Variants in PHF11 observed in about 807,000 individuals in gnomAD.
PHF11 encodes BRCA1 C-terminus-associated protein.
PHF11 carries 38 observed loss-of-function variants against 40.5 expected under a neutral mutation model. The observed-to-expected ratio is 0.94, with a 90% confidence interval of 0.72 to 1.23. PHF11 has a LOEUF of 1.23. Ranked by LOEUF, PHF11 falls within the 50% of genes most tolerant of loss-of-function variation. The probability of loss-of-function intolerance (pLI) is 0.00; values close to 1 mark genes in which losing one functional copy is unlikely to be tolerated. For synonymous variants in PHF11, 127 were observed against 138.2 expected (o/e 0.92, Z 0.57); for missense variants, 369 against 392.4 (o/e 0.94, Z 0.50).
At chr13:49,523,477 A>G (rs1342096785) in intron 7 of PHF11, 1 of 510,096 alleles carries the variant, frequency 2.0e-6, no homozygotes, top group Non-Finnish European at 3.4e-6. Context: ...ACTTCTATTA[A>G]TAAAGACACA....
At chr13:49,509,124 A>G (rs1159055922) in intron 2 of PHF11, among the ~76,000 whole-genome samples, 1 of 152,202 alleles carries the variant, frequency 6.6e-6, no homozygotes, top group East Asian at 1.9e-4. Context: ...AAATTTATGG[A>G]AAAGTTGCAT....
chr13:49,528,775 C>T lies in PHF11; in HGVS notation c.*110C>T. On this transcript the variant is annotated 3_prime_UTR_variant, in exon 10 of 10. Coordinates refer to ENST00000378319, the MANE Select transcript of PHF11 (RefSeq NM_001040443.3). The stretch of plus-strand genomic sequence containing the variant: ...TTAGAACTAGTCGTCTCCTCTTGGC[C>T]TCAGCAGCTCTTCCCTGTTCTTACT... 2.8e-6 allele frequency: 2 copies of T among 704,588 alleles called. No individual in the cohort carries two copies. Among genetic ancestry groups the T allele is most frequent in the South Asian group, 1.9e-5 (1 of 53,958 alleles). 43.6% of individuals were successfully genotyped at this position (704,588 alleles called of 1,614,324 possible).
At chr13:49,528,411 T>C (rs1959401633) in intron 9 of PHF11, 100 bp from the exon 10 acceptor site, 1 of 799,392 alleles carries the variant, frequency 1.3e-6, no homozygotes, top group South Asian at 1.9e-5. Context: ...GCACGAGGAT[T>C]GTGTATCTGT....
intron 1 of PHF11, chr13:49,496,991 G>A: frequency 1.8e-6 from 2 of 1,112,696 alleles, no homozygotes; most frequent in Non-Finnish European, 2.3e-6. Context: ...GTGCCACCAC[G>A]CCCAGCTAAT....
At chr13:49,521,435 A>C in intron 5 of PHF11, 2 of 986,414 alleles carry the variant, frequency 2.0e-6, no homozygotes, top group Non-Finnish European at 2.4e-6. Context: ...TGCAATGTTC[A>C]TTGTGAAGTG....
chr13:49,506,516 G>T, intron 1 of PHF11, 119 bp from the exon 2 acceptor site: 1 of 825,576 alleles, frequency 1.2e-6, no homozygotes, highest in East Asian at 2.5e-5. Flanking sequence ...TTGTCTCTCT[G>T]GGAATTAAGA....
intron 2 of PHF11, among the ~76,000 whole-genome samples, chr13:49,509,377 T>C (rs569928266): frequency 6.6e-5 from 10 of 152,188 alleles, no homozygotes; most frequent in Admixed American, 3.3e-4. Context: ...CACGCCCAGC[T>C]AATTTTTTGT....
At chr13:49,500,036 G>A (rs1409617327) in intron 1 of PHF11, among the ~76,000 whole-genome samples, 1 of 152,174 alleles carries the variant, frequency 6.6e-6, no homozygotes. Flanking sequence ...CCACATTGAA[G>A]AGGGCCTGCA....
At chr13:49,517,013 T>C (rs2139061256) in intron 3 of PHF11, among the ~76,000 whole-genome samples, 1 of 152,342 alleles carries the variant, frequency 6.6e-6, no homozygotes, top group South Asian at 2.1e-4. Context: ...TTAACATTGT[T>C]ATCTGGTTCG....
At position 49,522,102 on chromosome 13, in the gene PHF11, G is replaced by T. The variant is rs753377111; in HGVS notation, c.565G>T (p.Val189Leu). 1 of 1,528,630 alleles carries T rather than the reference G, an allele frequency of 6.5e-7. No individual in the cohort carries two copies. The highest frequency in any genetic ancestry group is 1.7e-5 in the Admixed American group (1 of 58,942). The allele number at this position is 1,528,630 out of a possible 1,614,324, so 94.7% of individuals were successfully genotyped here. Reference protein sequence around the residue: ...GRKKPLSGNHVQPPETMKCNT... With the variant: ...GRKKPLSGNHLQPPETMKCNT... ...GAAGAAACCCCTCTCAGGCAATCAT[G>T]TACAGGTAATTTGACTTAGTTTTTA... The change falls in exon 6 of 10, where the codon GTA (valine) becomes TTA (leucine). Residue 189 changes from valine to leucine, a missense_variant. Coordinates refer to ENST00000378319, the MANE Select transcript of PHF11 (RefSeq NM_001040443.3).
intron 5 of PHF11, 97 bp downstream of exon 5, chr13:49,521,037 A>G: frequency 6.9e-7 from 1 of 1,442,510 alleles, no homozygotes; most frequent in Non-Finnish European, 9.3e-7. Flanking sequence ...TTGAATTAAA[A>G]TACAAATGTT....
intron 3 of PHF11, 23 bp from the exon 4 acceptor site, chr13:49,517,995 C>T (rs9568234): frequency 3.0e-4 from 66 of 222,334 alleles, no homozygotes; most frequent in Non-Finnish European, 3.7e-4. Flanking sequence ...GGTACTTACT[C>T]AGTAAAATCT....
chr13:49,500,743 A>G (rs1038425740), intron 1 of PHF11, among the ~76,000 whole-genome samples: 5 of 152,004 alleles, frequency 3.3e-5, no homozygotes, highest in African/African-American at 1.2e-4. Context: ...TGTTGTCAGC[A>G]TATCTGTCTT....
intron 5 of PHF11, chr13:49,521,144 T>C (rs1959185911): frequency 7.9e-7 from 1 of 1,265,954 alleles, no homozygotes; most frequent in African/African-American, 1.5e-5. Context: ...CAAGACCTAT[T>C]CTCTTTGAAC....
intron 1 of PHF11, chr13:49,497,366 C>G (rs187521528): frequency 2.1e-6 from 1 of 486,746 alleles, no homozygotes; most frequent in African/African-American, 2.0e-5. Flanking sequence ...GTACTCCAAA[C>G]CTGCTCAACC....
intron 1 of PHF11, among the ~76,000 whole-genome samples, chr13:49,503,891 C>G (rs1440899655): frequency 6.6e-6 from 1 of 152,130 alleles, no homozygotes. Flanking sequence ...TGCCACCATA[C>G]TGGGCTAATT....
Position 49,520,960 on chromosome 13 carries a change from C to A in PHF11, c.505+20C>A. On this transcript the variant is annotated intron_variant, in intron 5 of 9. Transcript: ENST00000378319. ...AAAGTGGTAAGTTTCTAAAATTTAG[C>A]ACTGTGGGTTTTAAAGAAAGGTAAA... 6.4e-7 allele frequency: 1 copy of A among 1,558,542 alleles called. No individual in the cohort carries two copies. Among genetic ancestry groups the A allele is most frequent in the Non-Finnish European group, 8.8e-7 (1 of 1,137,572 alleles).
rs868243541 is a variant in PHF11 at position 49,513,294 on chromosome 13, C to G, written c.324+128C>G. 3 of 558,412 alleles carry G rather than the reference C, an allele frequency of 5.4e-6. No homozygotes were observed. The Middle Eastern group carries it at 8.1e-4, about 150-fold the overall frequency. The allele number at this position is 558,412 out of a possible 1,614,324, so 34.6% of individuals were successfully genotyped here. Reference sequence around the variant, plus strand: ...CTTGGAGAGCTGGAAGAAGTAGGAACTGTATTGGAAACCTCAATTCAACTT... The same window carrying G: ...CTTGGAGAGCTGGAAGAAGTAGGAAGTGTATTGGAAACCTCAATTCAACTT... On this transcript the variant is annotated intron_variant, in intron 3 of 9. Coordinates refer to ENST00000378319, the MANE Select transcript of PHF11 (RefSeq NM_001040443.3).
At chr13:49,506,860 C>A (rs1242090945) in intron 2 of PHF11, 104 bp downstream of exon 2, 2 of 629,572 alleles carry the variant, frequency 3.2e-6, no homozygotes, top group East Asian at 3.6e-5. Context: ...ACAAGTTGGC[C>A]ATGGTTTGAG....
Sources: gnomAD v4.1 joint callset for allele counts (sites outside exome capture counted in the v4.1 genomes callset) on GRCh38, gnomAD v4.1.1 for gene constraint, MANE v1.5 for transcripts, NCBI Gene and HGNC (gene_info 2026-07-23, HGNC 2026-07-21) for gene names.